Variants in TBC1D24 observed in about 807,000 individuals in gnomAD.
TBC1D24 encodes TBC1 domain family member 24.
In TBC1D24, 47 loss-of-function variants were observed where a neutral mutation model predicts 50.7. The ratio of observed to expected loss-of-function variants is 0.93; its 90% CI spans 0.73 to 1.18. The LOEUF (loss-of-function observed/expected upper bound fraction) is 1.18, where lower values mean the gene tolerates loss of function less well. TBC1D24 is among the 50% of genes most tolerant of loss of function. The pLI is 0.00. For missense variants in TBC1D24, 688 were observed against 766.5 expected (o/e 0.90, Z 1.21); for synonymous variants, 324 against 335.2 (o/e 0.97, Z 0.36).
At chr16:2,479,702 C>T (rs2065595840) in intron 1 of TBC1D24, 2 of 152,304 alleles carry the variant, frequency 1.3e-5, no homozygotes, top group African/African-American at 4.8e-5. Flanking sequence ...CTGTTATCTA[C>T]ACCCTCCAAC....
chr16:2,501,077 G>C lies in TBC1D24; in HGVS notation c.*119G>C. The stretch of plus-strand genomic sequence containing the variant: ...GGTAGGCAGGGTTGGGGGACGGCAG[G>C]ACCCCATGGCCAAGCCTGGCGTTGC... On this transcript the variant is annotated 3_prime_UTR_variant, in exon 8 of 8. Transcript: ENST00000646147. 2 of 1,353,396 alleles carry C rather than the reference G, an allele frequency of 1.5e-6. No individual in the cohort carries two copies. The highest frequency in any genetic ancestry group is 4.1e-5 in the Admixed American group (2 of 48,222). 83.8% of individuals were successfully genotyped at this position (1,353,396 alleles called of 1,614,324 possible). A position where few individuals can be genotyped will look rare whatever the true frequency, so the allele number is the denominator to read the frequency against.
At position 2,485,110 on chromosome 16, in the gene TBC1D24, T is replaced by G. The variant is rs959576133; in HGVS notation, c.-116+9940T>G. On this transcript the variant is annotated intron_variant, in intron 1 of 7. Transcript: ENST00000646147. This position sits in a 1 kb window ranked among gnomAD's most constrained non-coding sequence, Gnocchi z 4.6. ...CTCTGTGATGTTGTGAAATATCTATTTGGTCTTTGTCCTTGTTTAGTGACA... is the reference window on the plus strand; with the variant it reads ...CTCTGTGATGTTGTGAAATATCTATGTGGTCTTTGTCCTTGTTTAGTGACA... 6.6e-6 allele frequency: 1 copy of G among 152,202 alleles called. No individual in the cohort carries two copies. The highest frequency in any genetic ancestry group is 2.4e-5 in the African/African-American group (1 of 41,392). The allele number at this position is 152,202 out of a possible 1,614,324, so 9.4% of individuals were successfully genotyped here.
At chr16:2,489,794 A>G (rs969160924) in intron 1 of TBC1D24, among the ~76,000 whole-genome samples, 1 of 152,226 alleles carries the variant, frequency 6.6e-6, no homozygotes, top group African/African-American at 2.4e-5. Context: ...GGATGAGAGC[A>G]TCCTCAGGCA....
Position 2,498,306 on chromosome 16 carries a change from G to T in TBC1D24, c.1052G>T (p.Arg351Ile). The change falls in exon 4 of 8, where the codon AGA (arginine) becomes ATA (isoleucine). Residue 351 changes from arginine (R) to isoleucine (I), a missense_variant. Coordinates refer to ENST00000646147, the MANE Select transcript of TBC1D24 (RefSeq NM_001199107.2). ...GAGATCGTCAGCGTGAGGGAGATGA[G>T]AGACATCTGGTCCTGGGTCCCCGAG... ...RSEIVSVREM[R>I]DIWSWVPERF... 1 of 1,611,656 alleles carries T rather than the reference G, an allele frequency of 6.2e-7. No homozygotes were observed. The highest frequency in any genetic ancestry group is 8.5e-7 in the Non-Finnish European group (1 of 1,178,968).
intron 2 of TBC1D24, 104 bp downstream of exon 2, chr16:2,497,217 A>G: frequency 2.0e-6 from 3 of 1,473,550 alleles, no homozygotes; most frequent in South Asian, 1.2e-5. Flanking sequence ...GCCTCTGCCC[A>G]TGGTCCACCC....
At chr16:2,491,744 C>T (rs536364055) in intron 1 of TBC1D24, among the ~76,000 whole-genome samples, 3 of 152,122 alleles carry the variant, frequency 2.0e-5, no homozygotes, top group Non-Finnish European at 2.9e-5. Context: ...TTAGTAGAGA[C>T]GGGGTTTTAC....
At position 2,482,398 on chromosome 16, in the gene TBC1D24, C is replaced by T. The variant is rs1383580491; in HGVS notation, c.-116+7228C>T. On this transcript the variant is annotated intron_variant, in intron 1 of 7. Coordinates refer to ENST00000646147, the MANE Select transcript of TBC1D24 (RefSeq NM_001199107.2). This position sits in a 1 kb window ranked among gnomAD's most constrained non-coding sequence, Gnocchi z 5.2. The stretch of plus-strand genomic sequence containing the variant: ...GACGCCTTGGCCCTGCCCCAGAGGT[C>T]CCATGGAGGCCTGTGAAGGAGGGGC... 6.6e-6 allele frequency among the ~76,000 whole-genome samples: 1 copy of T among 152,102 alleles called. No homozygotes were observed. The highest frequency in any genetic ancestry group is 2.4e-5 in the African/African-American group (1 of 41,402).
In TBC1D24 at chr16:2,499,895, G is replaced by C. The variant is rs1169453146; in HGVS notation, c.1267G>C (p.Gly423Arg). The change falls in exon 6 of 8, where the codon GGC becomes CGC. Residue 423 changes from glycine (G) to arginine (R), a missense_variant. Physicochemically the swap from Gly to Arg is moderately radical, Grantham distance 125. Coordinates refer to ENST00000646147, the MANE Select transcript of TBC1D24 (RefSeq NM_001199107.2). The surrounding 1 kb of genome is among the most constrained non-coding windows in gnomAD (Gnocchi z 4.0). ...GAGAAATAAGTTTGGAGGCAAACTG[G>C]GCTTCTTTGGGACCGGAGAATGCTT... Reference protein sequence around the residue: ...SERNKFGGKLGFFGTGECFVF... With the variant: ...SERNKFGGKLRFFGTGECFVF... 1.2e-6 allele frequency: 2 copies of C among 1,614,002 alleles called. No homozygotes were observed. Among genetic ancestry groups the C allele is most frequent in the Non-Finnish European group, 1.7e-6 (2 of 1,179,992 alleles).
rs1315780421 is a variant in TBC1D24 at position 2,475,596 on chromosome 16, C to CGGCCCCG, written c.-116+434_-116+440dup. On this transcript the variant is annotated intron_variant, in intron 1 of 7. Transcript: ENST00000646147. This position sits in a 1 kb window ranked among gnomAD's most constrained non-coding sequence, Gnocchi z 4.2. The stretch of plus-strand genomic sequence containing the variant: ...TACGCCCTGCCCTGTGGACCTGCAG[C>CGGCCCCG]GGCCCCGGGCCCCGCCCCGCCCCGC... Among the ~76,000 whole-genome samples the CGGCCCCG allele has an allele frequency of 3.3e-5, 5 of 151,932 alleles. No individual in the cohort carries two copies. The highest frequency in any genetic ancestry group is 1.2e-4 in the African/African-American group (5 of 41,248).
At position 2,505,403 on chromosome 16, in the gene TBC1D24, T is replaced by G. The variant is rs1567418239; in HGVS notation, c.*4445T>G. ...GTGGATACCGTGTCCTGTAGACATG[T>G]CACTTGTGATAAGGCACGGACAACA... On this transcript the variant is annotated 3_prime_UTR_variant, in exon 8 of 8. Transcript: ENST00000646147. 1 of 152,216 alleles carries G rather than the reference T, an allele frequency of 6.6e-6. No homozygotes were observed. Among genetic ancestry groups the G allele is most frequent in the African/African-American group, 2.4e-5 (1 of 41,452 alleles). 9.4% of individuals were successfully genotyped at this position (152,216 alleles called of 1,614,324 possible).
intron 1 of TBC1D24, chr16:2,480,095 G>T (rs1399526036): frequency 6.6e-6 from 1 of 151,932 alleles, no homozygotes; most frequent in Non-Finnish European, 1.5e-5. Context: ...CTCCTAAAGT[G>T]CTGAGATTAC....
At chr16:2,488,788 C>T (rs796889566) in intron 1 of TBC1D24, among the ~76,000 whole-genome samples, 206 of 138,788 alleles carry the variant, frequency 1.5e-3, no homozygotes, top group African/African-American at 4.4e-3. Flanking sequence ...TGGCCGGGCG[C>T]GGTGGCTCAC....
chr16:2,483,790 A>G lies in TBC1D24; in HGVS notation c.-116+8620A>G, dbSNP rs1245171298. 1 of 152,594 alleles carries G rather than the reference A, an allele frequency of 6.6e-6. No homozygotes were observed. Among genetic ancestry groups the G allele is most frequent in the Admixed American group, 6.5e-5 (1 of 15,270 alleles). 9.5% of individuals were successfully genotyped at this position (152,594 alleles called of 1,614,324 possible). A position where few individuals can be genotyped will look rare whatever the true frequency, so the allele number is the denominator to read the frequency against. ...AGGGTACGTTCGGGAGAGGATGAAGACTTGGGAGTGGTGTGTTTGCTGTAG... is the reference window on the plus strand; with the variant it reads ...AGGGTACGTTCGGGAGAGGATGAAGGCTTGGGAGTGGTGTGTTTGCTGTAG... On this transcript the variant is annotated intron_variant, in intron 1 of 7. Transcript: ENST00000646147. The surrounding 1 kb of genome is among the most constrained non-coding windows in gnomAD (Gnocchi z 4.0).
At chr16:2,493,500 G>A (rs2141867566) in intron 1 of TBC1D24, 1 of 152,316 alleles carries the variant, frequency 6.6e-6, no homozygotes, top group Middle Eastern at 3.4e-3. Flanking sequence ...GTGTCGAGGT[G>A]TTTTCCCAAG....
At chr16:2,488,176 G>A (rs984557007) in intron 1 of TBC1D24, among the ~76,000 whole-genome samples, 2 of 152,220 alleles carry the variant, frequency 1.3e-5, no homozygotes, top group African/African-American at 4.8e-5. Context: ...GGCGCCTTCA[G>A]GGGGTTTGCT....
At chr16:2,491,707 A>G (rs2065696730) in intron 1 of TBC1D24, among the ~76,000 whole-genome samples, 2 of 152,178 alleles carry the variant, frequency 1.3e-5, no homozygotes, top group South Asian at 4.1e-4. Context: ...GGCATGTGCC[A>G]CCACACCCAG....
rs1157252702 is a variant in TBC1D24 at position 2,504,091 on chromosome 16, C to G, written c.*3133C>G. 6.6e-6 allele frequency: 1 copy of G among 152,024 alleles called. No homozygotes were observed. The highest frequency in any genetic ancestry group is 1.5e-5 in the Non-Finnish European group (1 of 67,986). The allele number at this position is 152,024 out of a possible 1,614,324, so 9.4% of individuals were successfully genotyped here. ...AATGAACTAAAGTATTTTAATTTTT[C>G]TATTTTTGTAAGCCGCATACTTCAT... is the stretch of plus-strand genomic sequence containing the variant. On this transcript the variant is annotated 3_prime_UTR_variant, in exon 8 of 8. Coordinates refer to ENST00000646147, the MANE Select transcript of TBC1D24 (RefSeq NM_001199107.2).
Position 2,483,259 on chromosome 16 carries a change from C to A in TBC1D24, c.-116+8089C>A, listed in dbSNP as rs914863839. ...TGCTGCGAAGGATGCCAGGTGGCACCGGGGGCTGGGCCACTGGAAACCGCT... is the reference window on the plus strand; with the variant it reads ...TGCTGCGAAGGATGCCAGGTGGCACAGGGGGCTGGGCCACTGGAAACCGCT... On this transcript the variant is annotated intron_variant, in intron 1 of 7. Coordinates refer to ENST00000646147, the MANE Select transcript of TBC1D24 (RefSeq NM_001199107.2). The surrounding 1 kb of genome is among the most constrained non-coding windows in gnomAD (Gnocchi z 4.0). 2.0e-5 allele frequency: 3 copies of A among 152,374 alleles called. No individual in the cohort carries two copies. The East Asian group carries it at 5.8e-4, about 29-fold the overall frequency. The allele number at this position is 152,374 out of a possible 1,614,324, so 9.4% of individuals were successfully genotyped here. A position where few individuals can be genotyped will look rare whatever the true frequency, so the allele number is the denominator to read the frequency against.
Position 2,500,509 on chromosome 16 carries a change from G to A in TBC1D24, c.1525+19G>A. 1.3e-6 allele frequency: 2 copies of A among 1,545,438 alleles called. No homozygotes were observed. The highest frequency in any genetic ancestry group is 1.7e-6 in the Non-Finnish European group (2 of 1,145,974). On this transcript the variant is annotated intron_variant, in intron 7 of 7. Transcript: ENST00000646147. The surrounding 1 kb of genome is among the most constrained non-coding windows in gnomAD (Gnocchi z 8.0). Reference sequence around the variant, plus strand: ...ATCGTCGGTGAGCGCCAGCAGACGGGGCTCTGGGATGAGGGTGTGGGGTCC... The same window carrying A: ...ATCGTCGGTGAGCGCCAGCAGACGGAGCTCTGGGATGAGGGTGTGGGGTCC...
Sources: gnomAD v4.1 joint callset for allele counts (sites outside exome capture counted in the v4.1 genomes callset) on GRCh38, gnomAD v4.1.1 for gene constraint, Gnocchi (gnomAD v3.1) non-coding constraint, MANE v1.5 for transcripts, NCBI Gene and HGNC (gene_info 2026-07-23, HGNC 2026-07-21) for gene names.